The following MSI1 variants were observed in gnomAD, a reference collection of about 807,000 sequenced individuals.
MSI1 encodes musashi RNA binding protein 1, also known as RNA-binding protein Musashi homolog 1.
In MSI1, 15 loss-of-function variants were observed where a neutral mutation model predicts 54.4. That is an observed-to-expected ratio of 0.28 (90% confidence interval 0.18 to 0.42). The LOEUF is 0.42. MSI1 is among the 20% of genes least tolerant of loss of function. The probability of loss-of-function intolerance (pLI) is 1.00; values close to 1 mark genes in which losing one functional copy is unlikely to be tolerated. For synonymous variants in MSI1, 200 were observed against 196.5 expected (o/e 1.02, Z -0.15); for missense variants, 304 against 506.0 (o/e 0.60, Z 3.83).
chr12:120,362,166 CCA>C (rs1491187129), intron 6 of MSI1, among the ~76,000 whole-genome samples: 1 of 151,996 alleles, frequency 6.6e-6, no homozygotes, highest in East Asian at 1.9e-4. Flanking sequence ...CCTCCCCCCC[CCA>C]CACAATCCCA....
intron 11 of MSI1, among the ~76,000 whole-genome samples, chr12:120,350,443 C>T (rs187305547): frequency 6.6e-6 from 1 of 152,310 alleles, no homozygotes; most frequent in Admixed American, 6.5e-5. Context: ...CTCTAGGGTT[C>T]TCCTCCCCAC....
At chr12:120,349,008 G>A (rs1874379730) in intron 11 of MSI1, among the ~76,000 whole-genome samples, 1 of 151,854 alleles carries the variant, frequency 6.6e-6, no homozygotes, top group African/African-American at 2.4e-5. Context: ...CAAAGTGTTG[G>A]GATTACAGGC....
rs76678976 is a variant in MSI1 at position 120,353,365 on chromosome 12, G to C, written c.667C>G (p.Gln223Glu). 1 of 1,613,662 alleles carries C rather than the reference G, an allele frequency of 6.2e-7. No homozygotes were observed. The highest frequency in any genetic ancestry group is 1.3e-5 in the African/African-American group (1 of 74,998). ...GIGMLGYPGF[Q>E]ATTYASRSYT... is the part of the protein sequence containing the mutation. The stretch of plus-strand genomic sequence containing the variant: ...CTCCGGCTGGCGTAGGTTGTGGCTT[G>C]GAAACCTGGGTAACCTGATGGGGCA... Residue 223 changes from glutamine (Q) to glutamate (E), a missense_variant, in exon 10 of 15, where the codon CAA becomes GAA. This residue lies in a region of MSI1 where 147 missense variants were observed against 231.5 expected (regional missense o/e 0.64). Transcript: ENST00000257552.
intron 6 of MSI1, among the ~76,000 whole-genome samples, chr12:120,362,215 TG>T (rs980860674): frequency 1.7e-4 from 26 of 151,798 alleles, no homozygotes; most frequent in African/African-American, 6.3e-4. Context: ...TTCGCTTGCC[TG>T]GGGGTGACTC....
chr12:120,347,421 C>G, intron 12 of MSI1, 25 bp downstream of exon 12: 4 of 1,613,836 alleles, frequency 2.5e-6, no homozygotes, highest in Non-Finnish European at 3.4e-6. Flanking sequence ...CCTCATCTCT[C>G]TTCCTGCACC....
chr12:120,360,987 A>G (rs1302098992), intron 6 of MSI1, among the ~76,000 whole-genome samples: 1 of 152,036 alleles, frequency 6.6e-6, no homozygotes, highest in Non-Finnish European at 1.5e-5. Context: ...TGCATGTAAC[A>G]CTCTTAACTC....
At chr12:120,352,067 G>T (rs1225195941) in intron 10 of MSI1, among the ~76,000 whole-genome samples, 2 of 147,320 alleles carry the variant, frequency 1.4e-5, no homozygotes, top group African/African-American at 5.0e-5. Context: ...GCCCAGGCTG[G>T]AATGCAGTGG....
chr12:120,356,678 T>C (rs900781291), intron 9 of MSI1, among the ~76,000 whole-genome samples: 3 of 152,080 alleles, frequency 2.0e-5, no homozygotes, highest in Admixed American at 2.0e-4. Flanking sequence ...ATGAATATGG[T>C]TGGACCTTTC....
intron 11 of MSI1, among the ~76,000 whole-genome samples, chr12:120,347,881 A>G (rs1874268768): frequency 6.6e-6 from 1 of 152,146 alleles, no homozygotes; most frequent in Non-Finnish European, 1.5e-5. Flanking sequence ...GCCCTTGGCA[A>G]AACAGGGATC....
Position 120,347,507 on chromosome 12 carries a change from A to G in MSI1, c.798T>C (p.Pro266=). ...APVLPELTAI[P]LTAYGPMAAA... ...CCGCCATTGGTCCGTAGGCAGTGAG[A>G]GGAATGGCTGAAAGGAAAGGGATGG... The change falls in exon 12 of 15, where the codon CCT becomes CCC. Residue 266 remains proline (P), a synonymous_variant. Transcript: ENST00000257552. 2 of 1,614,092 alleles carry G rather than the reference A, an allele frequency of 1.2e-6. No individual in the cohort carries two copies. The highest frequency in any genetic ancestry group is 1.7e-6 in the Non-Finnish European group (2 of 1,180,044).
chr12:120,351,731 T>G (rs1340395661), intron 10 of MSI1, among the ~76,000 whole-genome samples: 1 of 144,436 alleles, frequency 6.9e-6, no homozygotes, highest in East Asian at 2.0e-4. Context: ...TTTTTTGAAA[T>G]GGAGTCTCGC....
At chr12:120,348,815 C>A (rs1874360237) in intron 11 of MSI1, among the ~76,000 whole-genome samples, 1 of 152,102 alleles carries the variant, frequency 6.6e-6, no homozygotes, top group Admixed American at 6.6e-5. Context: ...ATCGCTTGCA[C>A]CCAGGAGGTG....
chr12:120,358,969 G>T, intron 7 of MSI1, 36 bp downstream of exon 7: 1 of 1,559,892 alleles, frequency 6.4e-7, no homozygotes, highest in Non-Finnish European at 8.7e-7. Flanking sequence ...CTGACCACGG[G>T]GCCCAGCCTG....
chr12:120,368,878 GGGA>G lies in MSI1; in HGVS notation c.60-8_60-6del. ...AGTCCCCCGATGAACATCTTGCTGCGGGAGGAGGAGAGACACAAAGGGCCCGCG... is the reference window on the plus strand; with the variant it reads ...AGTCCCCCGATGAACATCTTGCTGCGGGAGGAGAGACACAAAGGGCCCGCG... On this transcript the variant is annotated splice_region_variant and splice_polypyrimidine_tract_variant and intron_variant, in intron 1 of 14. Coordinates refer to ENST00000257552, the MANE Select transcript of MSI1 (RefSeq NM_002442.4). This position sits in a 1 kb window ranked among gnomAD's most constrained non-coding sequence, Gnocchi z 6.6. The G allele has an allele frequency of 6.8e-7, 1 of 1,464,356 alleles. No homozygotes were observed. The highest frequency in any genetic ancestry group is 9.1e-7 in the Non-Finnish European group (1 of 1,097,042). The allele number at this position is 1,464,356 out of a possible 1,614,324, so 90.7% of individuals were successfully genotyped here. A position where few individuals can be genotyped will look rare whatever the true frequency, so the allele number is the denominator to read the frequency against.
rs1052032206 is a variant in MSI1 at position 120,342,704 on chromosome 12, A to G, written c.*423T>C. ...AGGGTAAAGGAGGGGAAATCTGAAT[A>G]AAAAACAGGGGTTGGGCTGCGGCCT... is the stretch of plus-strand genomic sequence containing the variant. On this transcript the variant is annotated 3_prime_UTR_variant, in exon 15 of 15. Transcript: ENST00000257552. 2.6e-5 allele frequency: 4 copies of G among 151,284 alleles called. No individual in the cohort carries two copies. The highest frequency in any genetic ancestry group is 4.9e-5 in the African/African-American group (2 of 41,190). 9.4% of individuals were successfully genotyped at this position (151,284 alleles called of 1,614,324 possible). A position where few individuals can be genotyped will look rare whatever the true frequency, so the allele number is the denominator to read the frequency against.
intron 11 of MSI1, among the ~76,000 whole-genome samples, chr12:120,348,062 G>A (rs543621700): frequency 6.6e-6 from 1 of 152,186 alleles, no homozygotes; most frequent in South Asian, 2.1e-4. Context: ...CGCACCTTCT[G>A]CTGCCTGTCC....
chr12:120,340,094 T>G (rs1300707396), downstream of MSI1, among the ~76,000 whole-genome samples: 3 of 150,866 alleles, frequency 2.0e-5, no homozygotes, highest in African/African-American at 7.3e-5. Flanking sequence ...AATAGCTTTT[T>G]TTTTTTTTCT....
chr12:120,346,341 G>A lies in MSI1; in HGVS notation c.860-19C>T. ...TGAGAGCCTGGCAACCCAGAAAGAA[G>A]ACGGTGATAGCCCTGGTGCCCTCTG... On this transcript the variant is annotated intron_variant, in intron 12 of 14. Coordinates refer to ENST00000257552, the MANE Select transcript of MSI1 (RefSeq NM_002442.4). The A allele has an allele frequency of 6.6e-7, 1 of 1,507,796 alleles. No homozygotes were observed. The highest frequency in any genetic ancestry group is 1.3e-5 in the South Asian group (1 of 77,254). 93.4% of individuals were successfully genotyped at this position (1,507,796 alleles called of 1,614,324 possible).
chr12:120,341,305 G>C (rs960413760), downstream of MSI1: 70 of 152,632 alleles, frequency 4.6e-4, 2 homozygotes, highest in Admixed American at 4.5e-3. Context: ...AATGCACAGA[G>C]ACACAAGACA....
Sources: allele counts gnomAD v4.1 joint callset (sites outside exome capture counted in the v4.1 genomes callset), GRCh38; gene constraint gnomAD v4.1.1; regional missense constraint gnomAD v4.1.1; non-coding constraint Gnocchi (gnomAD v3.1); transcripts MANE v1.5; gene names NCBI Gene and HGNC (gene_info 2026-07-23, HGNC 2026-07-21).